Variants in COL9A3 observed in about 807,000 individuals in gnomAD.
The protein encoded by COL9A3 is collagen alpha-3(IX) chain.
COL9A3 carries 82 observed loss-of-function variants against 110.2 expected under a neutral mutation model. The observed-to-expected ratio is 0.74, with a 90% CI of 0.62 to 0.89. The LOEUF (loss-of-function observed/expected upper bound fraction) is 0.89, where lower values mean the gene tolerates loss of function less well. Ranked by LOEUF, COL9A3 falls within the 40% of genes least tolerant of loss-of-function variation. COL9A3 has a pLI of 0.00. For missense variants in COL9A3, 1,066 were observed against 981.3 expected, an observed-to-expected ratio of 1.09 and a Z score of -1.15; for synonymous variants, 494 against 403.8, an observed-to-expected ratio of 1.22 and a Z score of -2.68.
At chr20:62,829,110 G>T in intron 19 of COL9A3, 134 bp downstream of exon 19, 1 of 1,008,564 alleles carries the variant, frequency 9.9e-7, no homozygotes, top group East Asian at 2.6e-5. Context: ...TGTCCATCAG[G>T]GCCTGGCACA....
At chr20:62,828,645 G>A (rs1203852733) in intron 17 of COL9A3, 119 bp from the exon 18 acceptor site, 2 of 1,152,262 alleles carry the variant, frequency 1.7e-6, no homozygotes, top group African/African-American at 3.0e-5. Context: ...ATAACTGCCA[G>A]GGTGTGGGGG....
In COL9A3 at chr20:62,829,749, C is replaced by T. The variant is rs1330822682; in HGVS notation, c.1108-17C>T. The T allele has an allele frequency of 1.3e-6, 2 of 1,591,432 alleles. No homozygotes were observed. The highest frequency in any genetic ancestry group is 1.8e-5 in the Admixed American group (1 of 56,368). On this transcript the variant is annotated splice_polypyrimidine_tract_variant and intron_variant, in intron 21 of 31. Coordinates refer to ENST00000649368, the MANE Select transcript of COL9A3 (RefSeq NM_001853.4). The stretch of plus-strand genomic sequence containing the variant: ...TGTGCAGACCCTGCCCTGACACCCT[C>T]CTTCCTTTCCCTGTAGGGAGATGCT...
chr20:62,823,647 T>C (rs982509672), intron 10 of COL9A3, among the ~76,000 whole-genome samples: 1 of 152,162 alleles, frequency 6.6e-6, no homozygotes, highest in African/African-American at 2.4e-5. Context: ...AAGATACGGG[T>C]CTGCACCCTT....
chr20:62,830,380 C>G lies in COL9A3; in HGVS notation c.1182C>G (p.Gly394=). 6.4e-7 allele frequency: 1 copy of G among 1,573,826 alleles called. No individual in the cohort carries two copies. The highest frequency in any genetic ancestry group is 1.2e-5 in the South Asian group (1 of 86,198). The stretch of plus-strand genomic sequence containing the variant: ...TCCAGGGGGCCCTCGGCCCACAAGG[C>G]CCTCCCGGAGCCCCTGGTGTCCGAG... ...RGSAGALGPQ[G]PPGAPGVRGF... Residue 394 remains glycine (G), a synonymous_variant, in exon 23 of 32, where the codon GGC becomes GGG. Transcript: ENST00000649368.
intron 29 of COL9A3, 35 bp downstream of exon 29, chr20:62,836,567 C>G (rs771856367): frequency 8.0e-5 from 113 of 1,421,374 alleles, no homozygotes; most frequent in Non-Finnish European, 1.0e-4. Flanking sequence ...GCAGCGGGGC[C>G]CATCCCCGCC....
chr20:62,838,263 C>T (rs998489907), intron 30 of COL9A3, among the ~76,000 whole-genome samples: 18 of 152,340 alleles, frequency 1.2e-4, no homozygotes, highest in African/African-American at 9.6e-5. Flanking sequence ...TACGCAAGCC[C>T]GGCCTCCTGC....
intron 13 of COL9A3, 147 bp from the exon 14 acceptor site, chr20:62,826,057 C>A (rs2063549623): frequency 9.3e-7 from 1 of 1,072,028 alleles, no homozygotes; most frequent in Middle Eastern, 2.9e-4. Context: ...AAGGCTGGTG[C>A]CCCCTCCCTC....
intron 3 of COL9A3, 54 bp from the exon 4 acceptor site, chr20:62,819,168 C>A: frequency 6.4e-7 from 1 of 1,562,084 alleles, no homozygotes; most frequent in Non-Finnish European, 8.8e-7. Context: ...TGCTGAAGGC[C>A]TGGGCTCCAG....
chr20:62,824,717 C>T (rs1350544302), intron 11 of COL9A3, among the ~76,000 whole-genome samples: 4 of 152,214 alleles, frequency 2.6e-5, no homozygotes, highest in Non-Finnish European at 5.9e-5. Context: ...GCGTCAGAGA[C>T]TGCGGGGGAG....
In COL9A3 at chr20:62,820,260, C is replaced by A. The variant is rs144726262; in HGVS notation, c.309+278C>A. 4.8e-3 allele frequency among the ~76,000 whole-genome samples: 727 copies of A among 152,162 alleles called. 3 individuals are homozygous for A. Among genetic ancestry groups the A allele is most frequent in the Non-Finnish European group, 7.2e-3 (492 of 67,972 alleles). On this transcript the variant is annotated intron_variant, in intron 5 of 31. Coordinates refer to ENST00000649368, the MANE Select transcript of COL9A3 (RefSeq NM_001853.4). The stretch of plus-strand genomic sequence containing the variant: ...TTGGGGGAACCCACCCCAGGTGCCT[C>A]CTCAGAATGTCCCTGAAGCCCCCAG...
chr20:62,831,790 T>C (rs1482641581), intron 24 of COL9A3: 2 of 354,790 alleles, frequency 5.6e-6, no homozygotes, highest in East Asian at 1.2e-4. Context: ...CTCCCAGACA[T>C]GTCCTCATTT....
intron 29 of COL9A3, 67 bp downstream of exon 29, chr20:62,836,599 T>C (rs922137458): frequency 1.3e-6 from 2 of 1,498,560 alleles, no homozygotes; most frequent in African/African-American, 1.4e-5. Context: ...TGCCTGGGGC[T>C]ACACAGAAAG....
intron 12 of COL9A3, 140 bp from the exon 13 acceptor site, chr20:62,825,677 C>T: frequency 1.2e-6 from 1 of 851,470 alleles, no homozygotes; most frequent in East Asian, 2.7e-5. Context: ...GCAAGTGTCC[C>T]CTTCACAGAG....
At position 62,840,854 on chromosome 20, in the gene COL9A3, C is replaced by T. The variant is rs1180039006; in HGVS notation, c.*122C>T. 1.3e-5 allele frequency: 15 copies of T among 1,196,354 alleles called. 1 individual carries two copies. Among genetic ancestry groups the T allele is most frequent in the South Asian group, 1.1e-4 (8 of 74,846 alleles). 74.1% of individuals were successfully genotyped at this position (1,196,354 alleles called of 1,614,324 possible). On this transcript the variant is annotated 3_prime_UTR_variant, in exon 32 of 32. Coordinates refer to ENST00000649368, the MANE Select transcript of COL9A3 (RefSeq NM_001853.4). ...GGAGCGCCCCTGGCTGCCCCTCGGC[C>T]GCCGACTGGACGCGCGGGCCTTGCC...
intron 19 of COL9A3, among the ~76,000 whole-genome samples, 169 bp downstream of exon 19, chr20:62,829,145 T>G (rs2063576448): frequency 6.6e-6 from 1 of 152,192 alleles, no homozygotes; most frequent in African/African-American, 2.4e-5. Flanking sequence ...GTGGGTGCTG[T>G]GGACGGTTGC....
At position 62,821,538 on chromosome 20, in the gene COL9A3, C is replaced by T; in HGVS notation, c.369+8C>T. 6.2e-7 allele frequency: 1 copy of T among 1,612,810 alleles called. No homozygotes were observed. The highest frequency in any genetic ancestry group is 8.5e-7 in the Non-Finnish European group (1 of 1,179,948). ...GGCCTCCCTGGACCCCCCGTGAGTA[C>T]TGACAACCCTTGGGGCCCTGAGCAA... On this transcript the variant is annotated splice_region_variant and intron_variant, in intron 7 of 31. Coordinates refer to ENST00000649368, the MANE Select transcript of COL9A3 (RefSeq NM_001853.4).
chr20:62,838,189 A>G (rs1294823717), intron 30 of COL9A3, among the ~76,000 whole-genome samples: 1 of 152,246 alleles, frequency 6.6e-6, no homozygotes, highest in African/African-American at 2.4e-5. Context: ...ACGGCTCAGC[A>G]GCAGGCATAG....
intron 5 of COL9A3, among the ~76,000 whole-genome samples, chr20:62,820,470 C>T (rs554618773): frequency 6.0e-4 from 91 of 152,200 alleles, no homozygotes; most frequent in Non-Finnish European, 1.1e-3. Flanking sequence ...CTTCATAAGA[C>T]GTGGCTGTCA....
At chr20:62,825,558 C>T (rs1049890493) in intron 12 of COL9A3, 14 of 578,530 alleles carry the variant, frequency 2.4e-5, no homozygotes, top group East Asian at 2.0e-4. Flanking sequence ...TGCTTGGCCA[C>T]GAGGAGGGGC....
Sources: allele counts gnomAD v4.1 joint callset (sites outside exome capture counted in the v4.1 genomes callset), GRCh38; gene constraint gnomAD v4.1.1; transcripts MANE v1.5; gene names NCBI Gene and HGNC (gene_info 2026-07-23, HGNC 2026-07-21).